COMMD7: variants seen among roughly 807,000 people sequenced by gnomAD.
COMMD7 encodes the protein COMM domain containing 7.
A neutral mutation model predicts 34.8 loss-of-function variants in COMMD7; 28 were observed. The ratio of observed to expected loss-of-function variants is 0.80; its 90% confidence interval spans 0.60 to 1.10. COMMD7 has a LOEUF of 1.10. Among genes scored for constraint, COMMD7 ranks in the 50% least tolerant of loss-of-function variants. The pLI, the probability that COMMD7 is intolerant of heterozygous loss-of-function variation, is 0.00. For missense variants in COMMD7, 211 were observed against 241.6 expected, an observed-to-expected ratio of 0.87 and a Z score of 0.84; for synonymous variants, 80 against 86.4, an observed-to-expected ratio of 0.93 and a Z score of 0.41.
chr20:32,711,690 T>C (rs1245148851), intron 3 of COMMD7, among the ~76,000 whole-genome samples: 1 of 152,128 alleles, frequency 6.6e-6, no homozygotes, highest in Non-Finnish European at 1.5e-5. Flanking sequence ...ATTGGCATCA[T>C]GCTAGGCCTC....
chr20:32,704,915 A>G lies in COMMD7; in HGVS notation c.337-11T>C. The G allele has an allele frequency of 6.2e-7, 1 of 1,601,944 alleles. No individual in the cohort carries two copies. The highest frequency in any genetic ancestry group is 8.6e-7 in the Non-Finnish European group (1 of 1,169,002). On this transcript the variant is annotated splice_polypyrimidine_tract_variant and intron_variant, in intron 5 of 8. Coordinates refer to ENST00000278980, the MANE Select transcript of COMMD7 (RefSeq NM_053041.3). ...AGCATTCTGCTTCCACTGGAACAAA[A>G]GCAAAAGACAAAGTCAATTACAATA...
chr20:32,741,540 G>A (rs1403091690), intron 1 of COMMD7, among the ~76,000 whole-genome samples: 4 of 151,946 alleles, frequency 2.6e-5, no homozygotes, highest in Non-Finnish European at 4.4e-5. Flanking sequence ...ACAAGTGCCC[G>A]CCACTACACC....
intron 3 of COMMD7, among the ~76,000 whole-genome samples, chr20:32,717,203 T>C (rs1445181041): frequency 6.6e-6 from 1 of 152,042 alleles, no homozygotes; most frequent in Non-Finnish European, 1.5e-5. Flanking sequence ...TTGTGCAAAC[T>C]GGAGGGCAGT....
intron 3 of COMMD7, among the ~76,000 whole-genome samples, chr20:32,726,949 A>C (rs1254894301): frequency 6.6e-6 from 1 of 152,100 alleles, no homozygotes; most frequent in Non-Finnish European, 1.5e-5. Context: ...CTTGAACTGA[A>C]CCTGGGCATG....
At chr20:32,706,108 G>T (rs1020522375) in intron 5 of COMMD7, among the ~76,000 whole-genome samples, 5 of 151,390 alleles carry the variant, frequency 3.3e-5, no homozygotes, top group African/African-American at 1.2e-4. Flanking sequence ...TGGGGCAGGA[G>T]AATTGCTTGA....
intron 3 of COMMD7, among the ~76,000 whole-genome samples, chr20:32,711,378 C>T (rs577941930): frequency 4.3e-5 from 6 of 138,850 alleles, no homozygotes; most frequent in East Asian, 4.2e-4. Context: ...GCCTGGACGA[C>T]GGAGTGAGAC....
intron 3 of COMMD7, among the ~76,000 whole-genome samples, chr20:32,718,860 G>A (rs1424011063): frequency 6.6e-6 from 1 of 152,072 alleles, no homozygotes; most frequent in Non-Finnish European, 1.5e-5. Flanking sequence ...CTTTACTGTA[G>A]GACTTTTCAG....
At chr20:32,726,265 C>T (rs1239588388) in intron 3 of COMMD7, among the ~76,000 whole-genome samples, 1 of 151,736 alleles carries the variant, frequency 6.6e-6, no homozygotes, top group Non-Finnish European at 1.5e-5. Flanking sequence ...GTGGCGCTTG[C>T]CTGTGCCTGT....
At chr20:32,730,880 A>AT (rs1985797909) in intron 1 of COMMD7, among the ~76,000 whole-genome samples, 1 of 151,522 alleles carries the variant, frequency 6.6e-6, no homozygotes, top group African/African-American at 2.4e-5. Flanking sequence ...AGCAATATAT[A>AT]AAAAAAGAAA....
At chr20:32,718,265 G>A (rs1455628045) in intron 3 of COMMD7, among the ~76,000 whole-genome samples, 15 of 151,992 alleles carry the variant, frequency 9.9e-5, no homozygotes, top group Admixed American at 2.6e-4. Context: ...TTGGCCGGGC[G>A]TGGTGGCGGG....
intron 3 of COMMD7, among the ~76,000 whole-genome samples, chr20:32,708,389 A>G (rs1984223591): frequency 6.6e-6 from 1 of 152,108 alleles, no homozygotes; most frequent in African/African-American, 2.4e-5. Flanking sequence ...AAACAATCCT[A>G]AAGGCTGTTG....
At chr20:32,709,750 C>T (rs1425377475) in intron 3 of COMMD7, among the ~76,000 whole-genome samples, 1 of 152,166 alleles carries the variant, frequency 6.6e-6, no homozygotes, top group Non-Finnish European at 1.5e-5. Context: ...ATATGCCAGA[C>T]AGCTTTCTAC....
intron 1 of COMMD7, among the ~76,000 whole-genome samples, chr20:32,733,552 C>T (rs1178255025): frequency 6.6e-6 from 1 of 151,916 alleles, no homozygotes; most frequent in Non-Finnish European, 1.5e-5. Context: ...AACCCCATCT[C>T]GACTAAAGAA....
intron 1 of COMMD7, 107 bp from the exon 2 acceptor site, chr20:32,728,249 G>T: frequency 3.1e-6 from 3 of 979,006 alleles, no homozygotes; most frequent in Non-Finnish European, 3.2e-6. Flanking sequence ...GTAACAGCCA[G>T]GTGTTATGCC....
At chr20:32,742,306 T>G (rs917962815) in intron 1 of COMMD7, among the ~76,000 whole-genome samples, 1 of 152,216 alleles carries the variant, frequency 6.6e-6, no homozygotes, top group Admixed American at 6.5e-5. Context: ...AGAACCTTCC[T>G]GTCGTTACAA....
intron 1 of COMMD7, among the ~76,000 whole-genome samples, chr20:32,732,914 C>T (rs928832001): frequency 2.4e-4 from 37 of 151,484 alleles, no homozygotes; most frequent in Non-Finnish European, 7.4e-5. Flanking sequence ...CCAGCCTGGG[C>T]GACAGAGTGA....
rs1371031091 is a variant in COMMD7 at position 32,728,279 on chromosome 20, T to A, written c.85-137A>T. On this transcript the variant is annotated intron_variant, in intron 1 of 8. Coordinates refer to ENST00000278980, the MANE Select transcript of COMMD7 (RefSeq NM_053041.3). ...TATGCCTGTTCTGATCATCCTATAGTTACAAATGTTCACAATACCCACCAC... is the reference window on the plus strand; with the variant it reads ...TATGCCTGTTCTGATCATCCTATAGATACAAATGTTCACAATACCCACCAC... The A allele has an allele frequency of 1.5e-5, 11 of 753,664 alleles. No individual in the cohort carries two copies. In the Admixed American group the frequency reaches 2.1e-4, roughly 15 times the overall value. 46.7% of individuals were successfully genotyped at this position (753,664 alleles called of 1,614,324 possible).
chr20:32,725,429 T>TCG (rs1489699956), intron 3 of COMMD7, among the ~76,000 whole-genome samples: 3 of 87,832 alleles, frequency 3.4e-5, no homozygotes, highest in Non-Finnish European at 5.5e-5. Flanking sequence ...ATACTGTGTT[T>TCG]TGTTTTTTTT....
chr20:32,707,310 C>G (rs1282870885), intron 3 of COMMD7, among the ~76,000 whole-genome samples: 1 of 107,506 alleles, frequency 9.3e-6, no homozygotes, highest in Non-Finnish European at 2.1e-5. Flanking sequence ...TATATATATA[C>G]TTATCTCAAA....
Sources: gnomAD v4.1 joint callset for allele counts (sites outside exome capture counted in the v4.1 genomes callset) on GRCh38, gnomAD v4.1.1 for gene constraint, MANE v1.5 for transcripts, NCBI Gene and HGNC (gene_info 2026-07-23, HGNC 2026-07-21) for gene names.